The following HMGCS1 variants were observed in gnomAD, a reference collection of about 807,000 sequenced individuals.
HMGCS1 encodes 3-hydroxy-3-methylglutaryl-CoA synthase 1.
In HMGCS1, 9 loss-of-function variants were observed where a neutral mutation model predicts 52.3. That is an observed-to-expected ratio of 0.17 (90% CI 0.10 to 0.30). HMGCS1 has a LOEUF of 0.30. HMGCS1 is among the 10% of genes least tolerant of loss of function. The probability of loss-of-function intolerance (pLI) is 1.00; values close to 1 mark genes in which losing one functional copy is unlikely to be tolerated. For missense variants in HMGCS1, 320 were observed against 620.9 expected (o/e 0.52, Z 5.15); for synonymous variants, 176 against 214.4 (o/e 0.82, Z 1.57).
At chr5:43,300,623 C>T (rs1412464514) in intron 2 of HMGCS1, among the ~76,000 whole-genome samples, 1 of 151,772 alleles carries the variant, frequency 6.6e-6, no homozygotes, top group African/African-American at 2.4e-5. Flanking sequence ...GACTCTGTCT[C>T]AACAAAAAAA....
At chr5:43,294,604 C>T (rs1753941390) in intron 7 of HMGCS1, 87 bp downstream of exon 7, 1 of 997,646 alleles carries the variant, frequency 1.0e-6, no homozygotes, top group Non-Finnish European at 1.5e-6. Context: ...TGATCTACCA[C>T]CAACATGCTT....
intron 5 of HMGCS1, among the ~76,000 whole-genome samples, chr5:43,296,199 A>C (rs946067759): frequency 1.3e-5 from 2 of 152,180 alleles, no homozygotes; most frequent in African/African-American, 2.4e-5. Flanking sequence ...TAAATAAAAG[A>C]GTATTTTAAA....
intron 8 of HMGCS1, chr5:43,293,662 G>T (rs1753888500): frequency 6.4e-6 from 1 of 155,304 alleles, no homozygotes; most frequent in Non-Finnish European, 1.4e-5. Context: ...ACAGATTCAG[G>T]TGCTCACTTG....
chr5:43,312,009 C>G (rs916252867), intron 1 of HMGCS1, among the ~76,000 whole-genome samples: 1 of 152,156 alleles, frequency 6.6e-6, no homozygotes, highest in African/African-American at 2.4e-5. Flanking sequence ...ATCCCTGCCC[C>G]CTTCTTCACA....
rs1310490103 is a variant in HMGCS1 at position 43,294,178 on chromosome 5, C to T, written c.1077-16G>A. On this transcript the variant is annotated splice_polypyrimidine_tract_variant and intron_variant, in intron 7 of 10. Transcript: ENST00000325110. ...AGGTGAGTACCTATGTAGGGTGTAACAATAGTTCAGAAGTTTAACTGATCC... is the reference window on the plus strand; with the variant it reads ...AGGTGAGTACCTATGTAGGGTGTAATAATAGTTCAGAAGTTTAACTGATCC... The T allele has an allele frequency of 2.0e-6, 3 of 1,504,808 alleles. No homozygotes were observed. The South Asian group carries it at 3.4e-5, about 17-fold the overall frequency. The allele number at this position is 1,504,808 out of a possible 1,614,324, so 93.2% of individuals were successfully genotyped here. A position where few individuals can be genotyped will look rare whatever the true frequency, so the allele number is the denominator to read the frequency against.
At position 43,289,367 on chromosome 5, in the gene HMGCS1, C is replaced by T. The variant is rs991778019; in HGVS notation, c.*1764G>A. The T allele has an allele frequency of 6.6e-6, 1 of 152,542 alleles. No individual in the cohort carries two copies. The highest frequency in any genetic ancestry group is 1.5e-5 in the Non-Finnish European group (1 of 68,020). 9.4% of individuals were successfully genotyped at this position (152,542 alleles called of 1,614,324 possible). A position where few individuals can be genotyped will look rare whatever the true frequency, so the allele number is the denominator to read the frequency against. Reference sequence around the variant, plus strand: ...TGATTTCTTGCCGAAGTTGTTAGTTCAAGAGTGAAAAAGAATACTCAAGTA... The same window carrying T: ...TGATTTCTTGCCGAAGTTGTTAGTTTAAGAGTGAAAAAGAATACTCAAGTA... On this transcript the variant is annotated 3_prime_UTR_variant, in exon 11 of 11. Coordinates refer to ENST00000325110, the MANE Select transcript of HMGCS1 (RefSeq NM_001098272.3).
chr5:43,302,389 C>T (rs925114536), intron 2 of HMGCS1, among the ~76,000 whole-genome samples: 2 of 152,208 alleles, frequency 1.3e-5, no homozygotes, highest in Non-Finnish European at 2.9e-5. Flanking sequence ...CGTGCTTCTG[C>T]TTATTGAAAT....
Position 43,295,937 on chromosome 5 carries a change from A to G in HMGCS1, c.740-20T>C, listed in dbSNP as rs994300551. ...TTCCCTCTGAAAGAGAAGTCCAAGG[A>G]AACTATGAAATTCATATAAGCCATG... On this transcript the variant is annotated intron_variant, in intron 5 of 10. Coordinates refer to ENST00000325110, the MANE Select transcript of HMGCS1 (RefSeq NM_001098272.3). 1 of 1,585,492 alleles carries G rather than the reference A, an allele frequency of 6.3e-7. No individual in the cohort carries two copies. Among genetic ancestry groups the G allele is most frequent in the Non-Finnish European group, 8.6e-7 (1 of 1,158,764 alleles).
chr5:43,296,473 G>A (rs1487109778), intron 5 of HMGCS1, among the ~76,000 whole-genome samples: 1 of 152,062 alleles, frequency 6.6e-6, no homozygotes, highest in East Asian at 1.9e-4. Flanking sequence ...AGCAAAGTTG[G>A]ACTACAGAAA....
At chr5:43,302,853 T>C (rs1293300734) in intron 2 of HMGCS1, among the ~76,000 whole-genome samples, 4 of 152,198 alleles carry the variant, frequency 2.6e-5, no homozygotes, top group Non-Finnish European at 4.4e-5. Context: ...ACATCACCAA[T>C]TCTCTTGGCG....
intron 2 of HMGCS1, among the ~76,000 whole-genome samples, chr5:43,302,871 G>T (rs1244687286): frequency 6.6e-6 from 1 of 152,160 alleles, no homozygotes; most frequent in Non-Finnish European, 1.5e-5. Flanking sequence ...GCGGCACAGA[G>T]GATGTTTAAC....
In HMGCS1 at chr5:43,288,163, T is replaced by C. The variant is rs944365576; in HGVS notation, c.*2968A>G. 5 of 152,182 alleles carry C rather than the reference T, an allele frequency of 3.3e-5. No individual in the cohort carries two copies. The highest frequency in any genetic ancestry group is 9.7e-5 in the African/African-American group (4 of 41,438). The allele number at this position is 152,182 out of a possible 1,614,324, so 9.4% of individuals were successfully genotyped here. On this transcript the variant is annotated 3_prime_UTR_variant, in exon 11 of 11. Transcript: ENST00000325110. ...TCCAGGAAAGACATTCTTTTTAATATTAAAAGATAAAGCCCCAATATATAA... is the reference window on the plus strand; with the variant it reads ...TCCAGGAAAGACATTCTTTTTAATACTAAAAGATAAAGCCCCAATATATAA...
chr5:43,291,322 C>T (rs947870881), intron 10 of HMGCS1, 102 bp from the exon 11 acceptor site: 1 of 753,724 alleles, frequency 1.3e-6, no homozygotes, highest in Non-Finnish European at 2.4e-6. Context: ...TAAAGGACAA[C>T]TCTGGAGAAG....
In HMGCS1 at chr5:43,287,918, T is replaced by A. The variant is rs1184097045; in HGVS notation, c.*3213A>T. The A allele has an allele frequency of 1.3e-5, 2 of 152,174 alleles. No homozygotes were observed. Among genetic ancestry groups the A allele is most frequent in the African/African-American group, 4.8e-5 (2 of 41,414 alleles). 9.4% of individuals were successfully genotyped at this position (152,174 alleles called of 1,614,324 possible). A position where few individuals can be genotyped will look rare whatever the true frequency, so the allele number is the denominator to read the frequency against. ...AAGGCAGGGCAGAGAAGATCTGAAG[T>A]GGGGCCCAACATTTCTGATGCGTAG... On this transcript the variant is annotated 3_prime_UTR_variant, in exon 11 of 11. Coordinates refer to ENST00000325110, the MANE Select transcript of HMGCS1 (RefSeq NM_001098272.3).
At position 43,290,988 on chromosome 5, in the gene HMGCS1, T is replaced by A. The variant is rs958208852; in HGVS notation, c.*143A>T. ...GACTTTCCCAAGTACACGATAGTCATCCAGGCTCCATGTCAGTCACATAAA... is the reference window on the plus strand; with the variant it reads ...GACTTTCCCAAGTACACGATAGTCAACCAGGCTCCATGTCAGTCACATAAA... On this transcript the variant is annotated 3_prime_UTR_variant, in exon 11 of 11. Coordinates refer to ENST00000325110, the MANE Select transcript of HMGCS1 (RefSeq NM_001098272.3). 25 of 603,410 alleles carry A rather than the reference T, an allele frequency of 4.1e-5. No homozygotes were observed. In the African/African-American group the frequency reaches 4.2e-4, roughly 10 times the overall value. 37.4% of individuals were successfully genotyped at this position (603,410 alleles called of 1,614,324 possible). A position where few individuals can be genotyped will look rare whatever the true frequency, so the allele number is the denominator to read the frequency against.
chr5:43,300,793 TAGAG>T (rs1754275573), intron 2 of HMGCS1, among the ~76,000 whole-genome samples: 1 of 110,454 alleles, frequency 9.1e-6, no homozygotes, highest in Non-Finnish European at 1.8e-5. Flanking sequence ...ACCTTGTCTA[TAGAG>T]AAAGGAAAAA....
Position 43,298,978 on chromosome 5 carries a change from T to G in HMGCS1, c.-10-3A>C, listed in dbSNP as rs761835405. 27 of 1,579,262 alleles carry G rather than the reference T, an allele frequency of 1.7e-5. No homozygotes were observed. Among genetic ancestry groups the G allele is most frequent in the Non-Finnish European group, 2.0e-5 (23 of 1,166,018 alleles). ...GTGATCCAGGCATGGTGAAAGAGCT[T>G]TAGAAAGGAGAAACAGAAAAAAAAT... is the stretch of plus-strand genomic sequence containing the variant. On this transcript the variant is annotated splice_region_variant and splice_polypyrimidine_tract_variant and intron_variant, in intron 2 of 10. Coordinates refer to ENST00000325110, the MANE Select transcript of HMGCS1 (RefSeq NM_001098272.3). This position sits in a 1 kb window ranked among gnomAD's most constrained non-coding sequence, Gnocchi z 5.6.
chr5:43,296,757 T>C (rs1754049056), intron 5 of HMGCS1, among the ~76,000 whole-genome samples: 1 of 152,220 alleles, frequency 6.6e-6, no homozygotes, highest in Non-Finnish European at 1.5e-5. Flanking sequence ...CACTTTGATT[T>C]TCTTACAAGG....
At chr5:43,296,133 C>G (rs922567994) in intron 5 of HMGCS1, among the ~76,000 whole-genome samples, 1 of 152,062 alleles carries the variant, frequency 6.6e-6, no homozygotes, top group African/African-American at 2.4e-5. Flanking sequence ...ATTTAAGATT[C>G]ATACACATTA....
Sources: gnomAD v4.1 joint callset for allele counts (sites outside exome capture counted in the v4.1 genomes callset) on GRCh38, gnomAD v4.1.1 for gene constraint, Gnocchi (gnomAD v3.1) non-coding constraint, MANE v1.5 for transcripts, NCBI Gene and HGNC (gene_info 2026-07-23, HGNC 2026-07-21) for gene names.